Variants in RBMS1 observed in about 807,000 individuals in gnomAD.
RBMS1 encodes RNA binding motif single stranded interacting protein 1.
In RBMS1, 17 loss-of-function variants were observed where a neutral mutation model predicts 62.3. The ratio of observed to expected loss-of-function variants is 0.27; its 90% CI spans 0.19 to 0.41. RBMS1 has a LOEUF of 0.41. Ranked by LOEUF, RBMS1 falls within the 10% of genes least tolerant of loss-of-function variation. The pLI, the probability that RBMS1 is intolerant of heterozygous loss-of-function variation, is 1.00. For synonymous variants in RBMS1, 172 were observed against 170.0 expected (o/e 1.01, Z -0.09); for missense variants, 334 against 504.5 (o/e 0.66, Z 3.24).
At chr2:160,413,834 G>C (rs1574028818) in intron 1 of RBMS1, among the ~76,000 whole-genome samples, 1 of 152,294 alleles carries the variant, frequency 6.6e-6, no homozygotes, top group East Asian at 1.9e-4. Flanking sequence ...TTACCAAAGA[G>C]AAAACTGAGT....
At chr2:160,311,238 A>ATC (rs1287458681) in intron 4 of RBMS1, among the ~76,000 whole-genome samples, 4,220 of 119,146 alleles carry the variant, frequency 0.035, 257 homozygotes, top group Non-Finnish European at 0.058. Context: ...CTATCTATAT[A>ATC]TATATATATA....
chr2:160,318,796 C>T (rs1248320287), intron 2 of RBMS1, among the ~76,000 whole-genome samples: 1 of 152,160 alleles, frequency 6.6e-6, no homozygotes, highest in Non-Finnish European at 1.5e-5. Flanking sequence ...TTACTGAGGA[C>T]TTTTATAACT....
intron 1 of RBMS1, among the ~76,000 whole-genome samples, chr2:160,456,487 T>C (rs1047761275): frequency 6.6e-6 from 1 of 152,238 alleles, no homozygotes. Flanking sequence ...CTCCTTCTAA[T>C]GGAAAGTTTT....
chr2:160,321,056 G>C (rs1170593575), intron 2 of RBMS1, among the ~76,000 whole-genome samples: 1 of 152,004 alleles, frequency 6.6e-6, no homozygotes, highest in African/African-American at 2.4e-5. Context: ...GGCTCATTTA[G>C]GAGAAGGAAG....
chr2:160,303,025 T>C (rs1000132670), intron 5 of RBMS1, among the ~76,000 whole-genome samples: 2 of 152,340 alleles, frequency 1.3e-5, no homozygotes, highest in African/African-American at 4.8e-5. Flanking sequence ...GACTGACTGT[T>C]ATTTTTAAAA....
chr2:160,493,259 G>A, intron 1 of RBMS1, 30 bp downstream of exon 1: 2 of 1,604,628 alleles, frequency 1.2e-6, no homozygotes, highest in Non-Finnish European at 1.7e-6. Flanking sequence ...CCCCTCCTCC[G>A]GCCGTCACCT....
intron 2 of RBMS1, among the ~76,000 whole-genome samples, chr2:160,338,876 C>T (rs1191554220): frequency 6.6e-6 from 1 of 152,202 alleles, no homozygotes; most frequent in African/African-American, 2.4e-5. Context: ...GAAGCAAACA[C>T]TATTGGTTCC....
intron 1 of RBMS1, among the ~76,000 whole-genome samples, chr2:160,460,697 T>A (rs977581380): frequency 1.3e-5 from 2 of 152,240 alleles, no homozygotes; most frequent in African/African-American, 4.8e-5. Context: ...GTCAACTTAT[T>A]CTGATTTCAC....
chr2:160,311,214 A>ATCTCTCTCTCTCTCTCTC (rs1382938671), intron 4 of RBMS1, among the ~76,000 whole-genome samples: 5 of 60,256 alleles, frequency 8.3e-5, no homozygotes, highest in African/African-American at 2.9e-4. Context: ...AAAAAAATCT[A>ATCTCTCTCTCTCTCTCTC]TCTATCTATC....
At chr2:160,408,895 T>G (rs1695911338) in intron 1 of RBMS1, among the ~76,000 whole-genome samples, 1 of 152,210 alleles carries the variant, frequency 6.6e-6, no homozygotes, top group Admixed American at 6.5e-5. Flanking sequence ...CCACGGTGAC[T>G]TTTACAGAAT....
At chr2:160,449,576 C>G in intron 1 of RBMS1, among the ~76,000 whole-genome samples, 1 of 152,096 alleles carries the variant, frequency 6.6e-6, no homozygotes, top group Non-Finnish European at 1.5e-5. Context: ...CAGGGTTAAA[C>G]GGATTAAGGG....
chr2:160,300,799 G>T (rs1689169263), intron 5 of RBMS1, 69 bp from the exon 6 acceptor site: 2 of 1,398,452 alleles, frequency 1.4e-6, no homozygotes, highest in Admixed American at 2.9e-5. Context: ...TTCGGTGCAT[G>T]CATAAACATT....
At position 160,493,486 on chromosome 2, in the gene RBMS1, G is replaced by A; in HGVS notation, c.-123C>T. On this transcript the variant is annotated 5_prime_UTR_variant, in exon 1 of 14. Coordinates refer to ENST00000348849, the MANE Select transcript of RBMS1 (RefSeq NM_016836.4). ...GGCGGCGGCGGCGGCGGCTGCTGCT[G>A]CTGCCGCTGCTCCACCTCCCAGCCG... The A allele has an allele frequency of 1.3e-6, 1 of 791,944 alleles. No homozygotes were observed. Among genetic ancestry groups the A allele is most frequent in the South Asian group, 1.5e-5 (1 of 68,698 alleles). The allele number at this position is 791,944 out of a possible 1,614,324, so 49.1% of individuals were successfully genotyped here. A position where few individuals can be genotyped will look rare whatever the true frequency, so the allele number is the denominator to read the frequency against.
At chr2:160,313,355 T>C in intron 3 of RBMS1, 108 bp from the exon 4 acceptor site, 1 of 1,067,832 alleles carries the variant, frequency 9.4e-7, no homozygotes. Flanking sequence ...GACATGAAAA[T>C]GTCCTGAGGG....
At chr2:160,468,394 A>G (rs901456165) in intron 1 of RBMS1, among the ~76,000 whole-genome samples, 3 of 152,230 alleles carry the variant, frequency 2.0e-5, no homozygotes, top group African/African-American at 4.8e-5. Flanking sequence ...CAACATGGTT[A>G]TGGCACAGTT....
intron 12 of RBMS1, among the ~76,000 whole-genome samples, chr2:160,276,405 C>G (rs1411437314): frequency 6.6e-6 from 1 of 151,770 alleles, no homozygotes. Flanking sequence ...ACTACTATCA[C>G]CACCACCACC....
At chr2:160,324,937 C>G (rs975682039) in intron 2 of RBMS1, among the ~76,000 whole-genome samples, 5 of 141,560 alleles carry the variant, frequency 3.5e-5, no homozygotes, top group Non-Finnish European at 7.6e-5. Flanking sequence ...CACACACACA[C>G]ATATATATGC....
Position 160,344,260 on chromosome 2 carries a change from G to T in RBMS1, c.251+22956C>A, listed in dbSNP as rs1298447203. ...GTAAAGAAGGCAAAAGAGGTAACTT[G>T]TAAGCAGCAACTGGGGGGAACAGCA... On this transcript the variant is annotated intron_variant, in intron 2 of 13. Transcript: ENST00000348849. 3.3e-5 allele frequency among the ~76,000 whole-genome samples: 5 copies of T among 152,160 alleles called. No individual in the cohort carries two copies. In the East Asian group the frequency reaches 9.6e-4, roughly 29 times the overall value.
chr2:160,401,521 A>G (rs1443578945), intron 1 of RBMS1, among the ~76,000 whole-genome samples: 1 of 152,214 alleles, frequency 6.6e-6, no homozygotes, highest in Non-Finnish European at 1.5e-5. Context: ...GAATGTGTTA[A>G]GCAAAGCATT....
Sources: allele counts gnomAD v4.1 joint callset (sites outside exome capture counted in the v4.1 genomes callset), GRCh38; gene constraint gnomAD v4.1.1; transcripts MANE v1.5; gene names NCBI Gene and HGNC (gene_info 2026-07-23, HGNC 2026-07-21).